The following SLC9A4 variants were observed in gnomAD, a reference collection of about 807,000 sequenced individuals.
The protein encoded by SLC9A4 is solute carrier family 9 member A4.
A neutral mutation model predicts 67.4 loss-of-function variants in SLC9A4; 63 were observed. That is an observed-to-expected ratio of 0.93 (90% CI 0.76 to 1.15). The LOEUF (loss-of-function observed/expected upper bound fraction) is 1.15. Ranked by LOEUF, SLC9A4 falls within the 50% of genes most tolerant of loss-of-function variation. The pLI, the probability that SLC9A4 is intolerant of heterozygous loss-of-function variation, is 0.00. For synonymous variants in SLC9A4, 393 were observed against 367.2 expected, an observed-to-expected ratio of 1.07 and a Z score of -0.80; for missense variants, 1,089 against 987.7, an observed-to-expected ratio of 1.10 and a Z score of -1.38.
chr2:102,481,109 C>T (rs1376535479), intron 2 of SLC9A4, among the ~76,000 whole-genome samples: 1 of 152,116 alleles, frequency 6.6e-6, no homozygotes, highest in Non-Finnish European at 1.5e-5. Flanking sequence ...GGCACCTTAT[C>T]CAGGGATCGG....
At chr2:102,480,426 C>T (rs983954377) in intron 2 of SLC9A4, among the ~76,000 whole-genome samples, 1 of 151,464 alleles carries the variant, frequency 6.6e-6, no homozygotes, top group Non-Finnish European at 1.5e-5. Context: ...TGCAATGATG[C>T]AGCCTCGGCT....
rs561617461 is a variant in SLC9A4 at position 102,511,039 on chromosome 2, T to C, written c.1489-1164T>C. Among the ~76,000 whole-genome samples the C allele has an allele frequency of 1.4e-4, 22 of 152,290 alleles. No individual in the cohort carries two copies. In the East Asian group the frequency reaches 4.0e-3, roughly 28 times the overall value. ...TGAAGTGGATGTGTCTAACCAGTGA[T>C]TGGGAACATGTGGCATAGTTGCTGC... On this transcript the variant is annotated intron_variant, in intron 6 of 11. Transcript: ENST00000295269.
intron 3 of SLC9A4, among the ~76,000 whole-genome samples, chr2:102,504,359 A>G (rs1447255117): frequency 6.6e-6 from 1 of 152,214 alleles, no homozygotes; most frequent in Non-Finnish European, 1.5e-5. Flanking sequence ...TGCACGAGGG[A>G]CTGACATTCC....
At chr2:102,500,948 A>T (rs1684916941) in intron 2 of SLC9A4, among the ~76,000 whole-genome samples, 1 of 130,960 alleles carries the variant, frequency 7.6e-6, no homozygotes, top group Non-Finnish European at 1.6e-5. Flanking sequence ...CTCTGTGGAA[A>T]AGCAACAATC....
intron 2 of SLC9A4, among the ~76,000 whole-genome samples, chr2:102,501,154 C>T (rs1259864635): frequency 2.6e-5 from 4 of 150,982 alleles, no homozygotes; most frequent in African/African-American, 9.8e-5. Context: ...TGGAGTCTCG[C>T]TCTGGCACCC....
intron 8 of SLC9A4, 56 bp from the exon 9 acceptor site, chr2:102,519,803 G>A (rs1341233521): frequency 3.9e-6 from 6 of 1,554,084 alleles, no homozygotes; most frequent in Non-Finnish European, 5.3e-6. Flanking sequence ...TAGTTTTGTG[G>A]CACCTCTTGC....
intron 11 of SLC9A4, among the ~76,000 whole-genome samples, chr2:102,531,704 C>T (rs1289082488): frequency 6.6e-5 from 10 of 152,186 alleles, no homozygotes; most frequent in Admixed American, 5.9e-4. Flanking sequence ...AGGATTAGCA[C>T]AGTGACAGGC....
intron 2 of SLC9A4, among the ~76,000 whole-genome samples, chr2:102,501,986 C>T (rs1684951339): frequency 6.6e-6 from 1 of 152,038 alleles, no homozygotes; most frequent in Admixed American, 6.6e-5. Context: ...CCACACAGTC[C>T]ATCTATGCTT....
chr2:102,505,865 A>C (rs1375837882), intron 4 of SLC9A4: 1 of 198,590 alleles, frequency 5.0e-6, no homozygotes, highest in Non-Finnish European at 1.0e-5. Context: ...GCAGATTTGT[A>C]TCCTCTTGCA....
rs774615631 is a variant in SLC9A4, at chr2:102,474,020, G to A, written c.256+5G>A. ...TAGCATCCCTTGCAAAAATAGGTAAGTCCTTAAACACCTGGTTTGGTGAGT... is the reference window on the plus strand; with the variant it reads ...TAGCATCCCTTGCAAAAATAGGTAAATCCTTAAACACCTGGTTTGGTGAGT... On this transcript the variant is annotated splice_donor_5th_base_variant and intron_variant, in intron 1 of 11. Transcript: ENST00000295269. 6.2e-7 allele frequency: 1 copy of A among 1,611,408 alleles called. No homozygotes were observed. Among genetic ancestry groups the A allele is most frequent in the African/African-American group, 1.3e-5 (1 of 74,832 alleles).
intron 8 of SLC9A4, 41 bp downstream of exon 8, chr2:102,514,292 G>A (rs1389584329): frequency 1.4e-6 from 2 of 1,477,870 alleles, no homozygotes; most frequent in East Asian, 4.6e-5. Context: ...TTCACTGTCA[G>A]AATTCCAAGG....
intron 1 of SLC9A4, among the ~76,000 whole-genome samples, chr2:102,475,106 T>C (rs1453261534): frequency 6.6e-6 from 1 of 152,204 alleles, no homozygotes; most frequent in Non-Finnish European, 1.5e-5. Flanking sequence ...ATAGGAATGT[T>C]AGTTTGAAGA....
Position 102,478,916 on chromosome 2 carries a change from G to A in SLC9A4, c.334G>A (p.Gly112Ser). The part of the protein sequence containing the change: ...LLILVGALVG[G>S]IIFGTDHKSP... ...CATCCTGGTGGGGGCGCTGGTGGGC[G>A]GCATCATCTTCGGCACCGACCACAA... Residue 112 changes from glycine (G) to serine (S), a missense_variant, in exon 2 of 12, where the codon GGC (glycine) becomes AGC (serine). Coordinates refer to ENST00000295269, the MANE Select transcript of SLC9A4 (RefSeq NM_001011552.4). 4 of 1,614,070 alleles carry A rather than the reference G, an allele frequency of 2.5e-6. No individual in the cohort carries two copies. Among genetic ancestry groups the A allele is most frequent in the Non-Finnish European group, 2.5e-6 (3 of 1,179,984 alleles).
chr2:102,503,155 T>C (rs1020587825), intron 2 of SLC9A4, among the ~76,000 whole-genome samples: 2 of 152,160 alleles, frequency 1.3e-5, no homozygotes, highest in Non-Finnish European at 2.9e-5. Context: ...AATGGAAGGG[T>C]TCATTTGGAG....
intron 9 of SLC9A4, among the ~76,000 whole-genome samples, chr2:102,522,300 G>A (rs1211614461): frequency 6.6e-6 from 1 of 152,050 alleles, no homozygotes; most frequent in Admixed American, 6.6e-5. Context: ...CATCTAGAAT[G>A]CACCGGGCAT....
rs1359800379 is a variant in SLC9A4, at chr2:102,505,389, G to A, written c.1116G>A (p.Val372=). ...CCTTGATCTTCATCTTCATGGGTGT[G>A]TCCACTGTGGGCAAGAATCACGAGT... is the stretch of plus-strand genomic sequence containing the variant. The part of the protein sequence containing the change: ...SETLIFIFMG[V]STVGKNHEWN... Residue 372 remains valine, a synonymous_variant, in exon 4 of 12, where the codon GTG becomes GTA. Coordinates refer to ENST00000295269, the MANE Select transcript of SLC9A4 (RefSeq NM_001011552.4). 1 of 1,614,240 alleles carries A rather than the reference G, an allele frequency of 6.2e-7. No homozygotes were observed. Among genetic ancestry groups the A allele is most frequent in the African/African-American group, 1.3e-5 (1 of 75,066 alleles).
At chr2:102,490,940 T>C (rs961462110) in intron 2 of SLC9A4, among the ~76,000 whole-genome samples, 3 of 152,230 alleles carry the variant, frequency 2.0e-5, no homozygotes, top group African/African-American at 4.8e-5. Context: ...ATATTGAACA[T>C]TGCTGGTCAC....
intron 11 of SLC9A4, among the ~76,000 whole-genome samples, chr2:102,530,828 T>C (rs954166122): frequency 2.0e-5 from 3 of 152,238 alleles, no homozygotes; most frequent in African/African-American, 4.8e-5. Flanking sequence ...GAAGTTGGTC[T>C]CCTTTGGCCA....
At chr2:102,497,706 C>A (rs1057353681) in intron 2 of SLC9A4, among the ~76,000 whole-genome samples, 5 of 152,186 alleles carry the variant, frequency 3.3e-5, no homozygotes, top group African/African-American at 1.2e-4. Flanking sequence ...GAATGAGGAA[C>A]CTTTCAGGGT....
Sources: allele counts gnomAD v4.1 joint callset (sites outside exome capture counted in the v4.1 genomes callset), GRCh38; gene constraint gnomAD v4.1.1; transcripts MANE v1.5; gene names NCBI Gene and HGNC (gene_info 2026-07-23, HGNC 2026-07-21).